Variants in NDE1 observed in about 807,000 individuals in gnomAD.
NDE1 encodes nuclear distribution protein nudE homolog 1.
NDE1 carries 28 observed loss-of-function variants against 43.4 expected under a neutral mutation model. The ratio of observed to expected loss-of-function variants is 0.65; its 90% CI spans 0.48 to 0.89. NDE1 has a LOEUF of 0.89. NDE1 is among the 40% of genes least tolerant of loss of function. The pLI is 0.00. For missense variants in NDE1, 441 were observed against 434.1 expected (o/e 1.02, Z -0.14); for synonymous variants, 184 against 172.0 (o/e 1.07, Z -0.55).
chr16:15,688,171 G>A (rs1223935283), intron 5 of NDE1, among the ~76,000 whole-genome samples: 1 of 149,298 alleles, frequency 6.7e-6, no homozygotes, highest in Non-Finnish European at 1.5e-5. Context: ...GTGAGACCCT[G>A]TCTCTTAAGA....
chr16:15,654,449 A>G (rs772680982), intron 1 of NDE1, among the ~76,000 whole-genome samples: 3 of 151,524 alleles, frequency 2.0e-5, no homozygotes, highest in Admixed American at 6.6e-5. Flanking sequence ...AAAATACAAA[A>G]AATTAGCCAG....
intron 8 of NDE1, among the ~76,000 whole-genome samples, chr16:15,698,717 C>T (rs771322437): frequency 1.3e-5 from 2 of 151,838 alleles, no homozygotes; most frequent in South Asian, 2.1e-4. Flanking sequence ...GAAAATTAGC[C>T]GGGCATGGTC....
intron 4 of NDE1, among the ~76,000 whole-genome samples, chr16:15,682,519 G>A (rs544092974): frequency 2.0e-5 from 3 of 152,226 alleles, no homozygotes; most frequent in Non-Finnish European, 1.5e-5. Context: ...TCCCTCAAAC[G>A]AAACTACTCA....
In NDE1 at chr16:15,677,787, G is replaced by A; in HGVS notation, c.238-14G>A. The A allele has an allele frequency of 6.2e-7, 1 of 1,614,028 alleles. No individual in the cohort carries two copies. Among genetic ancestry groups the A allele is most frequent in the Non-Finnish European group, 8.5e-7 (1 of 1,179,958 alleles). The stretch of plus-strand genomic sequence containing the variant: ...GTCTTAAGTCATTCACTCAGTGTCT[G>A]TGTTGTCCTTCAGGAGAAGTTTGAA... On this transcript the variant is annotated splice_polypyrimidine_tract_variant and intron_variant, in intron 3 of 8. Coordinates refer to ENST00000396354, the MANE Select transcript of NDE1 (RefSeq NM_017668.3).
intron 8 of NDE1, chr16:15,699,639 G>A (rs550196626): frequency 1.6e-6 from 2 of 1,276,090 alleles, no homozygotes; most frequent in African/African-American, 1.5e-5. Context: ...CCTGACTCTT[G>A]ATGTTCACCC....
chr16:15,710,714 C>T (rs2039738624), intron 8 of NDE1, among the ~76,000 whole-genome samples: 1 of 151,518 alleles, frequency 6.6e-6, no homozygotes, highest in African/African-American at 2.4e-5. Flanking sequence ...CAGAGTCTTG[C>T]TCTGAAGGCT....
intron 1 of NDE1, among the ~76,000 whole-genome samples, chr16:15,659,680 A>G (rs1019326840): frequency 6.9e-6 from 1 of 145,984 alleles, no homozygotes; most frequent in Non-Finnish European, 1.5e-5. Context: ...CAGGTGATTC[A>G]CCTGCCCTGG....
chr16:15,668,820 C>T (rs2037444654), intron 3 of NDE1, among the ~76,000 whole-genome samples: 1 of 152,188 alleles, frequency 6.6e-6, no homozygotes, highest in Admixed American at 6.6e-5. Context: ...GCAGGTTTCT[C>T]GACCTGGCTG....
intron 8 of NDE1, chr16:15,718,483 C>A (rs549966054): frequency 2.0e-4 from 301 of 1,536,980 alleles, no homozygotes; most frequent in Non-Finnish European, 2.6e-4. Flanking sequence ...CCTCCCCCGC[C>A]TTAAAAGATG....
intron 1 of NDE1, among the ~76,000 whole-genome samples, chr16:15,663,153 C>A (rs1216878889): frequency 6.6e-6 from 1 of 152,136 alleles, no homozygotes; most frequent in Non-Finnish European, 1.5e-5. Context: ...TACCAGACTC[C>A]CTCTAGCTCC....
intron 3 of NDE1, among the ~76,000 whole-genome samples, chr16:15,672,981 C>CT (rs2037676363): frequency 6.6e-6 from 1 of 151,992 alleles, no homozygotes; most frequent in Non-Finnish European, 1.5e-5. Context: ...TGTAAATCAT[C>CT]TGTTTGTTCT....
chr16:15,699,576 GTCC>G (rs2039156091), intron 8 of NDE1: 1 of 1,196,036 alleles, frequency 8.4e-7, no homozygotes, highest in Admixed American at 3.4e-5. Context: ...GGTAGCCAGT[GTCC>G]TCTTCTTCAT....
At chr16:15,670,126 A>T (rs2037516550) in intron 3 of NDE1, among the ~76,000 whole-genome samples, 2 of 152,098 alleles carry the variant, frequency 1.3e-5, no homozygotes, top group South Asian at 4.1e-4. Context: ...ATTTCTCAGT[A>T]AGTCTGGGTG....
At chr16:15,668,093 G>A (rs1473161500) in intron 3 of NDE1, among the ~76,000 whole-genome samples, 1 of 152,052 alleles carries the variant, frequency 6.6e-6, no homozygotes, top group Non-Finnish European at 1.5e-5. Flanking sequence ...GCCGGGCGAG[G>A]TGGTGCATAC....
intron 8 of NDE1, among the ~76,000 whole-genome samples, chr16:15,710,582 G>A (rs1339524884): frequency 6.6e-6 from 1 of 152,140 alleles, no homozygotes; most frequent in Non-Finnish European, 1.5e-5. Flanking sequence ...AGACAGCAGT[G>A]GGGTAGGGAG....
rs1379622634 is a variant in NDE1 at position 15,726,238 on chromosome 16, C to T, written c.*1987C>T. The T allele has an allele frequency of 6.5e-6, 1 of 154,472 alleles. No homozygotes were observed. Among genetic ancestry groups the T allele is most frequent in the Non-Finnish European group, 1.4e-5 (1 of 69,630 alleles). 9.6% of individuals were successfully genotyped at this position (154,472 alleles called of 1,614,324 possible). On this transcript the variant is annotated 3_prime_UTR_variant, in exon 9 of 9. Transcript: ENST00000396354. ...CTTCCCTTCCCTTCCCCTTACTCGGCTGGAGTCCTACTGGGGCAGCGACAG... is the reference window on the plus strand; with the variant it reads ...CTTCCCTTCCCTTCCCCTTACTCGGTTGGAGTCCTACTGGGGCAGCGACAG...
At chr16:15,708,396 T>A (rs1027649914) in intron 8 of NDE1, among the ~76,000 whole-genome samples, 16 of 152,202 alleles carry the variant, frequency 1.1e-4, no homozygotes, top group African/African-American at 3.9e-4. Context: ...GGAACTGTCA[T>A]ATTCATTCAG....
rs149737645 is a variant in NDE1 at position 15,677,893 on chromosome 16, G to A, written c.330G>A (p.Leu110=). ...AGACCAAAGCCATTAAAGACCAATTGCAGAAATACATCAGAGAGCTGGAGC... is the reference window on the plus strand; with the variant it reads ...AGACCAAAGCCATTAAAGACCAATTACAGAAATACATCAGAGAGCTGGAGC... ...LAQTKAIKDQ[L]QKYIRELEQA... Residue 110 remains leucine, a synonymous_variant, in exon 4 of 9, where the codon TTG becomes TTA. Coordinates refer to ENST00000396354, the MANE Select transcript of NDE1 (RefSeq NM_017668.3). The A allele has an allele frequency of 1.5e-5, 25 of 1,613,962 alleles. No homozygotes were observed. Among genetic ancestry groups the A allele is most frequent in the Non-Finnish European group, 1.9e-5 (22 of 1,180,026 alleles).
At chr16:15,712,989 A>G (rs11075278) in intron 8 of NDE1, 69,760 of 150,036 alleles carry the variant, frequency 0.46, 17,242 homozygotes, top group African/African-American at 0.65. Flanking sequence ...GAGTAGCTGG[A>G]ACTATAGGCA....
Sources: gnomAD v4.1 joint callset for allele counts (sites outside exome capture counted in the v4.1 genomes callset) on GRCh38, gnomAD v4.1.1 for gene constraint, MANE v1.5 for transcripts, NCBI Gene and HGNC (gene_info 2026-07-23, HGNC 2026-07-21) for gene names.